The following RAB28 variants were observed in gnomAD, a reference collection of about 807,000 sequenced individuals.
RAB28 encodes the protein ras-related protein Rab-28.
RAB28 carries 24 observed loss-of-function variants against 31.7 expected under a neutral mutation model. The ratio of observed to expected loss-of-function variants is 0.76; its 90% CI spans 0.55 to 1.06. RAB28 has a LOEUF of 1.06. Among genes scored for constraint, RAB28 ranks in the 50% least tolerant of loss-of-function variants. RAB28 has a pLI of 0.00. For missense variants in RAB28, 254 were observed against 258.5 expected, an observed-to-expected ratio of 0.98 and a Z score of 0.12; for synonymous variants, 100 against 90.4, an observed-to-expected ratio of 1.11 and a Z score of -0.60.
chr4:13,393,150 T>C (rs1372165398), intron 4 of RAB28, among the ~76,000 whole-genome samples: 2 of 152,176 alleles, frequency 1.3e-5, no homozygotes, highest in African/African-American at 4.8e-5. Context: ...AAGATCTGTA[T>C]AAGACAATCT....
chr4:13,393,356 G>A (rs1166726140), intron 4 of RAB28, among the ~76,000 whole-genome samples: 2 of 152,200 alleles, frequency 1.3e-5, no homozygotes, highest in Non-Finnish European at 2.9e-5. Context: ...TGGCTTCCAA[G>A]AGCTAGTGAA....
intron 4 of RAB28, among the ~76,000 whole-genome samples, chr4:13,401,677 T>C (rs1256836020): frequency 6.6e-6 from 1 of 152,236 alleles, no homozygotes; most frequent in Non-Finnish European, 1.5e-5. Context: ...GTGTAATTTG[T>C]ATGTTCTCTC....
chr4:13,375,230 T>C (rs1351143553), intron 6 of RAB28, among the ~76,000 whole-genome samples: 1 of 152,174 alleles, frequency 6.6e-6, no homozygotes, highest in African/African-American at 2.4e-5. Context: ...CATAAAATGA[T>C]AAAATTTCAC....
chr4:13,430,538 T>G (rs893622833), intron 4 of RAB28, among the ~76,000 whole-genome samples: 4 of 152,158 alleles, frequency 2.6e-5, no homozygotes, highest in African/African-American at 9.7e-5. Context: ...TGGTGGCGAT[T>G]TGAGTACTTA....
chr4:13,393,910 A>G (rs143558501), intron 4 of RAB28, among the ~76,000 whole-genome samples: 1 of 152,124 alleles, frequency 6.6e-6, no homozygotes, highest in African/African-American at 2.4e-5. Context: ...GTAAAACAAT[A>G]CTTCAAATGT....
chr4:13,398,273 T>G (rs1221038883), intron 4 of RAB28, among the ~76,000 whole-genome samples: 2 of 152,174 alleles, frequency 1.3e-5, no homozygotes, highest in Non-Finnish European at 2.9e-5. Context: ...TTTATTCATG[T>G]TTTGGGCATT....
intron 4 of RAB28, among the ~76,000 whole-genome samples, chr4:13,449,524 C>T (rs770524226): frequency 1.3e-5 from 2 of 151,852 alleles, no homozygotes; most frequent in Non-Finnish European, 2.9e-5. Flanking sequence ...TACATTAAAA[C>T]GTAACCTTTA....
intron 4 of RAB28, among the ~76,000 whole-genome samples, chr4:13,442,217 G>A (rs906799489): frequency 1.4e-4 from 22 of 152,170 alleles, no homozygotes; most frequent in Non-Finnish European, 2.5e-4. Context: ...TATTCCCTCA[G>A]GTACAATTAA....
At chr4:13,460,654 C>T (rs1715546012) in intron 4 of RAB28, 45 bp downstream of exon 4, 1 of 1,611,018 alleles carries the variant, frequency 6.2e-7, no homozygotes, top group Non-Finnish European at 8.5e-7. Context: ...CTGTCCACAA[C>T]AGCAAGTAAA....
chr4:13,447,226 T>C (rs1714745678), intron 4 of RAB28, among the ~76,000 whole-genome samples: 2 of 152,204 alleles, frequency 1.3e-5, no homozygotes, highest in Non-Finnish European at 2.9e-5. Context: ...ACAAGAGCCA[T>C]AGTGATCCTT....
chr4:13,428,789 C>T (rs1713649519), intron 4 of RAB28, among the ~76,000 whole-genome samples: 1 of 151,954 alleles, frequency 6.6e-6, no homozygotes, highest in Admixed American at 6.6e-5. Flanking sequence ...ATCCACACAT[C>T]CAGGAAGTTC....
At chr4:13,447,323 G>A (rs1424551093) in intron 4 of RAB28, among the ~76,000 whole-genome samples, 6 of 152,182 alleles carry the variant, frequency 3.9e-5, no homozygotes, top group South Asian at 2.1e-4. Flanking sequence ...AAGCCCATAC[G>A]ATGGCCCACA....
chr4:13,394,137 T>G (rs984588480), intron 4 of RAB28, among the ~76,000 whole-genome samples: 5 of 151,240 alleles, frequency 3.3e-5, no homozygotes, highest in African/African-American at 1.2e-4. Flanking sequence ...AAGAGAGGAG[T>G]AGGAATCAGG....
intron 4 of RAB28, among the ~76,000 whole-genome samples, chr4:13,428,674 T>C (rs148542382): frequency 6.6e-6 from 1 of 152,220 alleles, no homozygotes; most frequent in East Asian, 1.9e-4. Flanking sequence ...CAAAAAACTG[T>C]GGGAGAGCAC....
chr4:13,441,162 G>C (rs963344706), intron 4 of RAB28, among the ~76,000 whole-genome samples: 7 of 152,168 alleles, frequency 4.6e-5, no homozygotes, highest in African/African-American at 1.7e-4. Context: ...ACTCACAAAG[G>C]AAAGTTAATA....
In RAB28 at chr4:13,438,123, G is replaced by A. The variant is rs117271958; in HGVS notation, c.391+22576C>T. Among the ~76,000 whole-genome samples, 613 of 152,218 alleles carry A rather than the reference G, an allele frequency of 4.0e-3. 10 individuals carry two copies. The highest frequency in any genetic ancestry group is 0.029 in the East Asian group (148 of 5,188). On this transcript the variant is annotated intron_variant, in intron 4 of 6. Coordinates refer to ENST00000330852, the MANE Select transcript of RAB28 (RefSeq NM_001017979.3). ...ATTAAAATATTAAGAGAGGATCTTC[G>A]AGTTTCGTATGCATGATCCAAAGTT...
At chr4:13,418,987 T>C (rs1712957660) in intron 4 of RAB28, among the ~76,000 whole-genome samples, 1 of 152,084 alleles carries the variant, frequency 6.6e-6, no homozygotes. Context: ...CCCATCAGTG[T>C]GCTGTATTCA....
At chr4:13,439,431 C>T (rs751110223) in intron 4 of RAB28, among the ~76,000 whole-genome samples, 14 of 151,388 alleles carry the variant, frequency 9.2e-5, no homozygotes, top group African/African-American at 2.9e-4. Context: ...CTCGGCTCAA[C>T]GCAACCTCCA....
At chr4:13,464,797 A>G (rs1715764654) in intron 3 of RAB28, among the ~76,000 whole-genome samples, 1 of 152,140 alleles carries the variant, frequency 6.6e-6, no homozygotes, top group African/African-American at 2.4e-5. Flanking sequence ...AAGGAATTTC[A>G]AAAGGTAATT....
Sources: allele counts gnomAD v4.1 joint callset (sites outside exome capture counted in the v4.1 genomes callset), GRCh38; gene constraint gnomAD v4.1.1; transcripts MANE v1.5; gene names NCBI Gene and HGNC (gene_info 2026-07-23, HGNC 2026-07-21).